The following RGS7 variants were observed in gnomAD, a reference collection of about 807,000 sequenced individuals.
RGS7 encodes regulator of G-protein signaling 7.
A neutral mutation model predicts 81.1 loss-of-function variants in RGS7; 27 were observed. The observed-to-expected ratio is 0.33, with a 90% confidence interval of 0.25 to 0.46. The LOEUF is 0.46. Ranked by LOEUF, RGS7 falls within the 20% of genes least tolerant of loss-of-function variation. The pLI, the probability that RGS7 is intolerant of heterozygous loss-of-function variation, is 1.00. For synonymous variants in RGS7, 208 were observed against 207.7 expected (o/e 1.00, Z -0.01); for missense variants, 396 against 607.4 (o/e 0.65, Z 3.66).
intron 2 of RGS7, among the ~76,000 whole-genome samples, chr1:241,147,752 G>A (rs72758862): frequency 0.21 from 24,234 of 114,426 alleles, 2,572 homozygotes; most frequent in East Asian, 0.26. Flanking sequence ...TTTTAGGTGC[G>A]GATTAAATAT....
At chr1:240,832,701 G>T (rs1340605411) in intron 9 of RGS7, among the ~76,000 whole-genome samples, 1 of 152,206 alleles carries the variant, frequency 6.6e-6, no homozygotes, top group Non-Finnish European at 1.5e-5. Context: ...ATACAGAACA[G>T]CTGTGTTTAA....
chr1:241,133,456 T>C (rs1237367844), intron 2 of RGS7, among the ~76,000 whole-genome samples: 1 of 151,852 alleles, frequency 6.6e-6, no homozygotes, highest in Non-Finnish European at 1.5e-5. Flanking sequence ...TTTGAGACAA[T>C]ATTGTAGAAA....
At chr1:241,199,541 T>C (rs1362668708) in intron 2 of RGS7, among the ~76,000 whole-genome samples, 1 of 151,970 alleles carries the variant, frequency 6.6e-6, no homozygotes, top group Non-Finnish European at 1.5e-5. Flanking sequence ...AAGTAAAAAA[T>C]GCCAGTGTTA....
At chr1:241,318,917 C>T (rs542854282) in intron 2 of RGS7, among the ~76,000 whole-genome samples, 17 of 152,136 alleles carry the variant, frequency 1.1e-4, no homozygotes, top group Non-Finnish European at 1.6e-4. Context: ...TAAAAATGCA[C>T]GACACTTAAT....
chr1:240,811,697 G>A (rs547645724), intron 14 of RGS7, among the ~76,000 whole-genome samples: 58 of 152,336 alleles, frequency 3.8e-4, no homozygotes, highest in African/African-American at 1.3e-3. Flanking sequence ...AAAACATCTG[G>A]AGATACAGAG....
intron 2 of RGS7, among the ~76,000 whole-genome samples, chr1:241,256,769 C>T (rs953552583): frequency 6.6e-6 from 1 of 152,144 alleles, no homozygotes; most frequent in Non-Finnish European, 1.5e-5. Context: ...GCTTCACACT[C>T]ATGATCAATT....
chr1:240,930,222 C>CTT (rs10676730), intron 6 of RGS7, among the ~76,000 whole-genome samples: 4,228 of 113,778 alleles, frequency 0.037, 245 homozygotes, highest in African/African-American at 0.12. Flanking sequence ...TCTTTTTTAG[C>CTT]TTTTTTTTTT....
At chr1:241,232,827 A>G (rs1422908142) in intron 2 of RGS7, among the ~76,000 whole-genome samples, 1 of 152,080 alleles carries the variant, frequency 6.6e-6, no homozygotes, top group Non-Finnish European at 1.5e-5. Context: ...TTTCACATCC[A>G]TGTTTGTAGT....
chr1:241,040,478 T>C (rs1282444117), intron 3 of RGS7, among the ~76,000 whole-genome samples: 6 of 150,862 alleles, frequency 4.0e-5, no homozygotes, highest in Admixed American at 1.3e-4. Context: ...TTTACTTTTC[T>C]TTTTATTTAT....
chr1:240,927,325 A>G (rs1025546234), intron 6 of RGS7, among the ~76,000 whole-genome samples: 14 of 152,132 alleles, frequency 9.2e-5, no homozygotes, highest in African/African-American at 3.4e-4. Flanking sequence ...TCAGCCTACC[A>G]ATGTGTTGGG....
At chr1:240,803,400 G>A (rs1001874568) in intron 15 of RGS7, among the ~76,000 whole-genome samples, 1 of 152,018 alleles carries the variant, frequency 6.6e-6, no homozygotes, top group Non-Finnish European at 1.5e-5. Context: ...GATACCTTTG[G>A]CCTCTACATT....
At chr1:241,090,733 T>C (rs989129504) in intron 3 of RGS7, among the ~76,000 whole-genome samples, 3 of 152,226 alleles carry the variant, frequency 2.0e-5, no homozygotes, top group South Asian at 2.1e-4. Flanking sequence ...GATCATCAGA[T>C]ATAATCTCCA....
At position 240,936,607 on chromosome 1, in the gene RGS7, C is replaced by T. The variant is rs747767217; in HGVS notation, c.326G>A (p.Arg109Gln). 5.6e-6 allele frequency: 9 copies of T among 1,611,408 alleles called. No homozygotes were observed. Among genetic ancestry groups the T allele is most frequent in the Admixed American group, 1.7e-5 (1 of 59,986 alleles). ...LTLKDDGTFY[R>Q]FQTPYFWPSN... The stretch of plus-strand genomic sequence containing the variant: ...CATTTCTAATAAACTTACTTGAAAC[C>T]GGTAAAAGGTGCCATCATCCTTGAG... Residue 109 changes from arginine to glutamine, a missense_variant, in exon 5 of 19, where the codon CGG (arginine) becomes CAG (glutamine). Transcript: ENST00000440928.
chr1:241,220,507 C>T lies in RGS7; in HGVS notation c.79-121745G>A, dbSNP rs149407031. Among the ~76,000 whole-genome samples, 725 of 152,068 alleles carry T rather than the reference C, an allele frequency of 4.8e-3. 2 individuals carry two copies. Among genetic ancestry groups the T allele is most frequent in the Non-Finnish European group, 7.3e-3 (494 of 67,994 alleles). On this transcript the variant is annotated intron_variant, in intron 2 of 18. Coordinates refer to ENST00000440928, the MANE Select transcript of RGS7 (RefSeq NM_001364886.1). The stretch of plus-strand genomic sequence containing the variant: ...TATCACTGAGAGAAAATTATTTTTC[C>T]TTCCTGTCACCCTTCCTCCCCTTCT...
At chr1:241,353,349 T>C (rs987762189) in intron 2 of RGS7, among the ~76,000 whole-genome samples, 3 of 152,222 alleles carry the variant, frequency 2.0e-5, no homozygotes, top group East Asian at 1.9e-4. Flanking sequence ...AATAGAAGCA[T>C]AATGGACACA....
chr1:241,299,070 G>A (rs1279533582), intron 2 of RGS7, among the ~76,000 whole-genome samples: 1 of 152,182 alleles, frequency 6.6e-6, no homozygotes, highest in African/African-American at 2.4e-5. Flanking sequence ...AGTAATCTCT[G>A]CAGACATGAG....
intron 3 of RGS7, among the ~76,000 whole-genome samples, chr1:241,003,377 C>T (rs1432271892): frequency 1.4e-5 from 2 of 147,416 alleles, no homozygotes; most frequent in Non-Finnish European, 3.0e-5. Flanking sequence ...AGGAGAATGG[C>T]GTGAACCCAG....
At chr1:240,793,611 A>ATATATATATATATATATATATATATATTT in intron 18 of RGS7, among the ~76,000 whole-genome samples, 1 of 78,872 alleles carries the variant, frequency 1.3e-5, no homozygotes, top group Non-Finnish European at 2.0e-5. Context: ...ATATATATAT[A>ATATATATATATATATATATATATATATTT]TTTTTTTTTT....
At chr1:241,272,771 T>C (rs868145082) in intron 2 of RGS7, among the ~76,000 whole-genome samples, 1 of 152,182 alleles carries the variant, frequency 6.6e-6, no homozygotes, top group African/African-American at 2.4e-5. Context: ...ATTTTGCAAA[T>C]TGGATAATTT....
Sources: gnomAD v4.1 joint callset for allele counts (sites outside exome capture counted in the v4.1 genomes callset) on GRCh38, gnomAD v4.1.1 for gene constraint, MANE v1.5 for transcripts, NCBI Gene and HGNC (gene_info 2026-07-23, HGNC 2026-07-21) for gene names.